RALYL: variants seen among roughly 807,000 people sequenced by gnomAD.
The protein encoded by RALYL is RALY RNA binding protein like.
RALYL carries 29 observed loss-of-function variants against 35.1 expected under a neutral mutation model. The observed-to-expected ratio is 0.83, with a 90% confidence interval of 0.61 to 1.13. The LOEUF (loss-of-function observed/expected upper bound fraction) is 1.13, where lower values mean the gene tolerates loss of function less well. Among genes scored for constraint, RALYL ranks in the 50% most tolerant of loss-of-function variants. The probability of loss-of-function intolerance (pLI) is 0.00; values close to 1 mark genes in which losing one functional copy is unlikely to be tolerated. For synonymous variants in RALYL, 120 were observed against 127.6 expected (o/e 0.94, Z 0.40); for missense variants, 359 against 360.4 (o/e 1.00, Z 0.03).
At chr8:84,718,457 A>G (rs1843297534) in intron 2 of RALYL, among the ~76,000 whole-genome samples, 1 of 152,088 alleles carries the variant, frequency 6.6e-6, no homozygotes. Context: ...TATTGCATAA[A>G]ATTGTATGTT....
At position 84,580,288 on chromosome 8, in the gene RALYL, G is replaced by T. The variant is rs1305043072; in HGVS notation, c.256+50711G>T. On this transcript the variant is annotated intron_variant, in intron 2 of 8. Coordinates refer to ENST00000521268, the MANE Select transcript of RALYL (RefSeq NM_173848.7). ...GAGTTGCTATAAAGGAATACCTGAG[G>T]CAGAGTAACTTATAAACAAAACTTA... Among the ~76,000 whole-genome samples the T allele has an allele frequency of 3.3e-5, 5 of 152,132 alleles. 1 individual carries two copies. In the South Asian group the frequency reaches 8.3e-4, roughly 25 times the overall value.
At chr8:84,584,457 G>A (rs1451106459) in intron 2 of RALYL, among the ~76,000 whole-genome samples, 1 of 152,092 alleles carries the variant, frequency 6.6e-6, no homozygotes. Context: ...ACAAAAATTA[G>A]CCAGGCATGG....
At chr8:84,254,722 A>G (rs1208628470) in intron 1 of RALYL, among the ~76,000 whole-genome samples, 1 of 144,820 alleles carries the variant, frequency 6.9e-6, no homozygotes, top group Non-Finnish European at 1.5e-5. Flanking sequence ...GCTATAAAGA[A>G]CTACCCAAGA....
intron 1 of RALYL, among the ~76,000 whole-genome samples, chr8:84,482,372 C>A (rs2054139478): frequency 6.6e-6 from 1 of 151,986 alleles, no homozygotes. Flanking sequence ...TTTAGCACAA[C>A]CAATTTTATT....
chr8:84,857,036 G>GAAAAAAAA (rs36119108), intron 5 of RALYL, among the ~76,000 whole-genome samples: 1 of 91,828 alleles, frequency 1.1e-5, no homozygotes, highest in East Asian at 3.3e-4. Flanking sequence ...CTCCGTCTCA[G>GAAAAAAAA]AAAAAAAAAA....
intron 2 of RALYL, among the ~76,000 whole-genome samples, chr8:84,684,260 C>T (rs78105372): frequency 3.5e-4 from 53 of 152,230 alleles, no homozygotes; most frequent in East Asian, 9.6e-4. Flanking sequence ...TTACTGAATA[C>T]GTGATACTTG....
intron 1 of RALYL, among the ~76,000 whole-genome samples, chr8:84,420,407 T>C (rs901001318): frequency 9.2e-5 from 14 of 152,150 alleles, no homozygotes; most frequent in African/African-American, 3.1e-4. Flanking sequence ...GTTTTTTTCT[T>C]GTACATTTGT....
intron 1 of RALYL, among the ~76,000 whole-genome samples, chr8:84,390,102 C>A (rs1177836458): frequency 6.6e-6 from 1 of 150,782 alleles, no homozygotes; most frequent in Non-Finnish European, 1.5e-5. Flanking sequence ...TTGAGATAAT[C>A]ATGGTTTTTG....
chr8:84,228,571 G>A (rs774644459), intron 1 of RALYL, among the ~76,000 whole-genome samples: 6 of 152,212 alleles, frequency 3.9e-5, no homozygotes, highest in Non-Finnish European at 7.3e-5. Context: ...TATGTCTTAG[G>A]ATAGTAGGGA....
chr8:84,372,892 T>TTTTG (rs963148065), intron 1 of RALYL, among the ~76,000 whole-genome samples: 5 of 122,062 alleles, frequency 4.1e-5, no homozygotes, highest in Non-Finnish European at 6.8e-5. Context: ...ATCTGTTTTT[T>TTTTG]TTTTTTTTTT....
At chr8:84,373,736 G>A (rs773560974) in intron 1 of RALYL, among the ~76,000 whole-genome samples, 49 of 151,902 alleles carry the variant, frequency 3.2e-4, no homozygotes, top group Non-Finnish European at 3.5e-4. Context: ...TTAAAATACT[G>A]TTTCTCTAGT....
At chr8:84,726,615 A>AAT (rs936564807) in intron 2 of RALYL, among the ~76,000 whole-genome samples, 2 of 151,808 alleles carry the variant, frequency 1.3e-5, no homozygotes, top group Non-Finnish European at 2.9e-5. Flanking sequence ...ATAAAATAGC[A>AAT]ATATATATAT....
chr8:84,901,166 A>G (rs569212448), intron 8 of RALYL, among the ~76,000 whole-genome samples: 1 of 152,306 alleles, frequency 6.6e-6, no homozygotes, highest in African/African-American at 2.4e-5. Context: ...GGGAAGATTT[A>G]TATCTCCAAG....
chr8:84,209,469 G>C (rs1818920770), intron 1 of RALYL, among the ~76,000 whole-genome samples: 1 of 152,116 alleles, frequency 6.6e-6, no homozygotes, highest in African/African-American at 2.4e-5. Flanking sequence ...ATGGGGATGG[G>C]AACATCTAAC....
intron 1 of RALYL, among the ~76,000 whole-genome samples, chr8:84,449,010 C>A (rs2049146984): frequency 1.3e-5 from 2 of 151,950 alleles, no homozygotes; most frequent in Middle Eastern, 6.9e-3. Context: ...GTGGTCCAAT[C>A]CCATTCAGAT....
chr8:84,745,850 T>A lies in RALYL; in HGVS notation c.257-28729T>A, dbSNP rs546118765. 2.6e-5 allele frequency among the ~76,000 whole-genome samples: 4 copies of A among 152,056 alleles called. 1 individual carries two copies. In the South Asian group the frequency reaches 8.3e-4, roughly 32 times the overall value. ...AAAGTATATGACTTTCATTCCTGTGTTTTTTTAGCCTGGACTTCTCTTACA... is the reference window on the plus strand; with the variant it reads ...AAAGTATATGACTTTCATTCCTGTGATTTTTTAGCCTGGACTTCTCTTACA... On this transcript the variant is annotated intron_variant, in intron 2 of 8. Transcript: ENST00000521268.
intron 1 of RALYL, among the ~76,000 whole-genome samples, chr8:84,424,061 G>A (rs1030041615): frequency 6.6e-6 from 1 of 151,934 alleles, no homozygotes; most frequent in African/African-American, 2.4e-5. Context: ...TATCTTTGTG[G>A]CGTTCTCTCT....
chr8:84,806,459 C>A (rs111652921), intron 4 of RALYL, among the ~76,000 whole-genome samples: 10,075 of 151,332 alleles, frequency 0.067, 506 homozygotes, highest in Non-Finnish European at 0.096. Flanking sequence ...GATGGAATTC[C>A]TTTTTTATTG....
rs373199862 is a variant in RALYL, at chr8:84,381,540, C to T, written c.-23-147759C>T. Among the ~76,000 whole-genome samples, 8 of 151,944 alleles carry T rather than the reference C, an allele frequency of 5.3e-5. No individual in the cohort carries two copies. In the East Asian group the frequency reaches 5.9e-4, roughly 11 times the overall value. On this transcript the variant is annotated intron_variant, in intron 1 of 8. Coordinates refer to ENST00000521268, the MANE Select transcript of RALYL (RefSeq NM_173848.7). ...CTACCATTTTCATATTTTCTGTTTA[C>T]AAATGGGCTTATGTTCCCTCTATTT...
Sources: allele counts gnomAD v4.1 joint callset (sites outside exome capture counted in the v4.1 genomes callset), GRCh38; gene constraint gnomAD v4.1.1; transcripts MANE v1.5; gene names NCBI Gene and HGNC (gene_info 2026-07-23, HGNC 2026-07-21).